The following NSUN6 variants were observed in gnomAD, a reference collection of about 807,000 sequenced individuals.
The protein encoded by NSUN6 is tRNA (cytosine(72)-C(5))-methyltransferase NSUN6.
A neutral mutation model predicts 58.0 loss-of-function variants in NSUN6; 64 were observed. That is an observed-to-expected ratio of 1.10 (90% confidence interval 0.90 to 1.36). The LOEUF (loss-of-function observed/expected upper bound fraction) is 1.36. Among genes scored for constraint, NSUN6 ranks in the 40% most tolerant of loss-of-function variants. The probability of loss-of-function intolerance (pLI) is 0.00; values close to 1 mark genes in which losing one functional copy is unlikely to be tolerated. For synonymous variants in NSUN6, 231 were observed against 193.9 expected (o/e 1.19, Z -1.59); for missense variants, 701 against 550.1 (o/e 1.27, Z -2.74).
intron 8 of NSUN6, among the ~76,000 whole-genome samples, chr10:18,567,239 C>T (rs1002759104): frequency 6.6e-6 from 1 of 151,460 alleles, no homozygotes; most frequent in Admixed American, 6.6e-5. Context: ...CCATTCCATT[C>T]CATATTCTAT....
At chr10:18,624,303 C>G (rs1238087231) in intron 3 of NSUN6, among the ~76,000 whole-genome samples, 1 of 151,812 alleles carries the variant, frequency 6.6e-6, no homozygotes, top group Non-Finnish European at 1.5e-5. Flanking sequence ...AAGCAAAGCA[C>G]AGACAAGATA....
rs775201960 is a variant in NSUN6 at position 18,596,330 on chromosome 10, A to G, written c.658-3T>C. 17 of 1,556,922 alleles carry G rather than the reference A, an allele frequency of 1.1e-5. No individual in the cohort carries two copies. The highest frequency in any genetic ancestry group is 1.3e-5 in the Non-Finnish European group (15 of 1,129,018). ...CTTACTAAGGCAGATGGCAAATTCT[A>G]TAAGGAAAAAAATGTAATCGATTAT... On this transcript the variant is annotated splice_region_variant and splice_polypyrimidine_tract_variant and intron_variant, in intron 6 of 10. Transcript: ENST00000377304.
chr10:18,577,553 T>C (rs1589931217), intron 8 of NSUN6, among the ~76,000 whole-genome samples: 1 of 152,078 alleles, frequency 6.6e-6, no homozygotes, highest in East Asian at 1.9e-4. Context: ...TCCAGAGAAG[T>C]TTCTCCTTTT....
intron 7 of NSUN6, 95 bp downstream of exon 7, chr10:18,596,113 C>G: frequency 9.6e-7 from 1 of 1,040,286 alleles, no homozygotes; most frequent in Non-Finnish European, 1.5e-6. Context: ...TGAATCTGAA[C>G]TAAATGAGAC....
chr10:18,627,075 C>A (rs866492605), intron 3 of NSUN6, among the ~76,000 whole-genome samples: 2 of 152,172 alleles, frequency 1.3e-5, no homozygotes, highest in African/African-American at 2.4e-5. Flanking sequence ...TTTATCAAGA[C>A]AAGTCTGGCA....
At chr10:18,629,280 C>A (rs529395509) in intron 3 of NSUN6, among the ~76,000 whole-genome samples, 45 of 152,176 alleles carry the variant, frequency 3.0e-4, no homozygotes, top group African/African-American at 1.0e-3. Context: ...GGAACAACTG[C>A]TACCAGCCAC....
chr10:18,658,709 G>C, upstream of NSUN6: 1 of 960,988 alleles, frequency 1.0e-6, no homozygotes, highest in African/African-American at 1.8e-5. Context: ...TCAGAACTAA[G>C]AATCACGACA....
chr10:18,609,836 C>A lies in NSUN6; in HGVS notation c.657+9G>T. 10 of 1,381,200 alleles carry A rather than the reference C, an allele frequency of 7.2e-6. No individual in the cohort carries two copies. Among genetic ancestry groups the A allele is most frequent in the Non-Finnish European group, 1.0e-5 (10 of 968,820 alleles). 85.6% of individuals were successfully genotyped at this position (1,381,200 alleles called of 1,614,324 possible). The stretch of plus-strand genomic sequence containing the variant: ...TGTCACTAAATATTTTACTTTTATA[C>A]ATACTTACTTGTAAAAATAAGTAAC... On this transcript the variant is annotated intron_variant, in intron 6 of 10. Coordinates refer to ENST00000377304, the MANE Select transcript of NSUN6 (RefSeq NM_182543.5).
chr10:18,651,684 C>A, upstream of NSUN6: 1 of 985,974 alleles, frequency 1.0e-6, no homozygotes. Flanking sequence ...TTCCGGTCCC[C>A]CAATCCACAG....
At chr10:18,565,648 C>A (rs886793634) in intron 8 of NSUN6, among the ~76,000 whole-genome samples, 1 of 150,590 alleles carries the variant, frequency 6.6e-6, no homozygotes, top group African/African-American at 2.4e-5. Context: ...TTCTCCATTC[C>A]TTCCCATTTT....
chr10:18,551,040 T>TA (rs2054567276), intron 9 of NSUN6, among the ~76,000 whole-genome samples: 4 of 152,032 alleles, frequency 2.6e-5, no homozygotes, highest in African/African-American at 9.7e-5. Context: ...CTCTATTTTT[T>TA]TAAAAAAAAG....
intron 8 of NSUN6, among the ~76,000 whole-genome samples, chr10:18,580,113 C>T (rs2056839648): frequency 6.6e-6 from 1 of 152,142 alleles, no homozygotes; most frequent in Non-Finnish European, 1.5e-5. Flanking sequence ...GGAATAAGGG[C>T]ATGGGGAGTT....
intron 8 of NSUN6, among the ~76,000 whole-genome samples, chr10:18,563,713 T>C (rs2055715213): frequency 6.6e-6 from 1 of 150,982 alleles, no homozygotes; most frequent in Non-Finnish European, 1.5e-5. Flanking sequence ...CCATTCTTCA[T>C]TCCACTCCGT....
chr10:18,631,375 T>G (rs79636912), intron 3 of NSUN6, among the ~76,000 whole-genome samples: 27,219 of 141,094 alleles, frequency 0.19, 2,710 homozygotes, highest in South Asian at 0.28. Flanking sequence ...ACCACTCCTA[T>G]TCAACACAGT....
rs553528678 is a variant in NSUN6 at position 18,601,393 on chromosome 10, T to G, written c.658-5066A>C. 6.6e-5 allele frequency among the ~76,000 whole-genome samples: 10 copies of G among 152,296 alleles called. No homozygotes were observed. In the East Asian group the frequency reaches 1.7e-3, roughly 26 times the overall value. ...TTCAAATGGCAGAACTGCAGGAAAGTAGCAAACCAGAATAACACCTGGATT... is the reference window on the plus strand; with the variant it reads ...TTCAAATGGCAGAACTGCAGGAAAGGAGCAAACCAGAATAACACCTGGATT... On this transcript the variant is annotated intron_variant, in intron 6 of 10. Transcript: ENST00000377304.
intron 8 of NSUN6, among the ~76,000 whole-genome samples, chr10:18,561,655 GGAATGGAATGGA>G (rs1343152057): frequency 1.9e-4 from 28 of 147,576 alleles, no homozygotes; most frequent in African/African-American, 5.7e-4. Context: ...TATGGAAAAT[GGAATGGAATGGA>G]GAATGGAATG....
chr10:18,562,875 ATGGAATGGCATGGAG>A (rs1350997741), intron 8 of NSUN6, among the ~76,000 whole-genome samples: 1 of 150,408 alleles, frequency 6.6e-6, no homozygotes, highest in Non-Finnish European at 1.5e-5. Flanking sequence ...GGAATAGAGA[ATGGAATGGCATGGAG>A]TGGAATGGAA....
rs761139206 is a variant in NSUN6, at chr10:18,551,972, C to T, written c.923-1G>A. 3.2e-6 allele frequency: 5 copies of T among 1,586,802 alleles called. No homozygotes were observed. Among genetic ancestry groups the T allele is most frequent in the East Asian group, 4.5e-5 (2 of 44,636 alleles). ...GATTCTGGTAGAAATGGAGGTTCTC[C>T]TATAAAGAGAATTATAATCATGTTT... is the stretch of plus-strand genomic sequence containing the variant. On this transcript the variant is annotated splice_acceptor_variant, in intron 8 of 10. Coordinates refer to ENST00000377304, the MANE Select transcript of NSUN6 (RefSeq NM_182543.5). LOFTEE classifies it high-confidence loss of function.
intron 7 of NSUN6, among the ~76,000 whole-genome samples, chr10:18,586,616 G>C (rs956331003): frequency 4.6e-5 from 7 of 152,126 alleles, no homozygotes; most frequent in African/African-American, 1.4e-4. Context: ...CTCCCAGTGG[G>C]TTCGTGGTCT....
Sources: gnomAD v4.1 joint callset for allele counts (sites outside exome capture counted in the v4.1 genomes callset) on GRCh38, gnomAD v4.1.1 for gene constraint, MANE v1.5 for transcripts, NCBI Gene and HGNC (gene_info 2026-07-23, HGNC 2026-07-21) for gene names.